The following HACD2 variants were observed in gnomAD, a reference collection of about 807,000 sequenced individuals.
HACD2 encodes very-long-chain (3R)-3-hydroxyacyl-CoA dehydratase 2.
Under a neutral mutation model 31.0 loss-of-function variants are expected in HACD2, and 15 were observed. The ratio of observed to expected loss-of-function variants is 0.48; its 90% CI spans 0.32 to 0.75. HACD2 has a LOEUF of 0.75. Among genes scored for constraint, HACD2 ranks in the 30% least tolerant of loss-of-function variants. HACD2 has a pLI of 0.03. For synonymous variants in HACD2, 115 were observed against 122.2 expected, an observed-to-expected ratio of 0.94 and a Z score of 0.39; for missense variants, 283 against 313.0, an observed-to-expected ratio of 0.90 and a Z score of 0.72.
intron 3 of HACD2, among the ~76,000 whole-genome samples, chr3:123,539,742 A>G (rs2056466097): frequency 6.6e-6 from 1 of 151,812 alleles, no homozygotes. Flanking sequence ...TTTACAACCA[A>G]TACAATGAGA....
intron 3 of HACD2, among the ~76,000 whole-genome samples, chr3:123,544,580 T>A (rs1209715577): frequency 6.6e-6 from 1 of 152,158 alleles, no homozygotes; most frequent in Non-Finnish European, 1.5e-5. Flanking sequence ...TAAGAATTTA[T>A]CAATGTCAGG....
In HACD2 at chr3:123,494,401, CAG is replaced by C. The variant is rs1219409404; in HGVS notation, c.*485_*486del. 1 of 176,902 alleles carries C rather than the reference CAG, an allele frequency of 5.7e-6. No homozygotes were observed. Among genetic ancestry groups the C allele is most frequent in the Admixed American group, 6.4e-5 (1 of 15,680 alleles). 11.0% of individuals were successfully genotyped at this position (176,902 alleles called of 1,614,324 possible). On this transcript the variant is annotated 3_prime_UTR_variant, in exon 7 of 7. Transcript: ENST00000383657. ...CATAACTTCAGAGCATTCCAGAGAACAGAGTTTGCCGCTTCAAAAATACAAAG... is the reference window on the plus strand; with the variant it reads ...CATAACTTCAGAGCATTCCAGAGAACAGTTTGCCGCTTCAAAAATACAAAG...
intron 4 of HACD2, among the ~76,000 whole-genome samples, chr3:123,519,156 C>A (rs959201337): frequency 1.3e-5 from 2 of 151,972 alleles, no homozygotes; most frequent in Non-Finnish European, 2.9e-5. Context: ...CTGAAGAAAA[C>A]AAAAGTTAAA....
intron 3 of HACD2, among the ~76,000 whole-genome samples, chr3:123,530,342 C>T (rs2056342301): frequency 1.3e-5 from 2 of 152,130 alleles, no homozygotes; most frequent in Admixed American, 6.5e-5. Context: ...GCCTCAAACT[C>T]CTGGGCTCAG....
At chr3:123,534,299 C>T (rs2056399770) in intron 3 of HACD2, among the ~76,000 whole-genome samples, 1 of 152,148 alleles carries the variant, frequency 6.6e-6, no homozygotes, top group Non-Finnish European at 1.5e-5. Flanking sequence ...TAACGACGTA[C>T]TGCATATATG....
chr3:123,541,257 T>C (rs2056487692), intron 3 of HACD2, among the ~76,000 whole-genome samples: 1 of 151,858 alleles, frequency 6.6e-6, no homozygotes, highest in Non-Finnish European at 1.5e-5. Context: ...GGCAACAGAG[T>C]GAGACTCTGT....
chr3:123,515,168 G>C (rs886130252), intron 4 of HACD2, among the ~76,000 whole-genome samples: 1 of 152,142 alleles, frequency 6.6e-6, no homozygotes, highest in Non-Finnish European at 1.5e-5. Flanking sequence ...AGCTCCTGAG[G>C]AACTGGAACA....
chr3:123,549,651 G>A (rs2056597549), intron 3 of HACD2, among the ~76,000 whole-genome samples: 1 of 152,118 alleles, frequency 6.6e-6, no homozygotes, highest in South Asian at 2.1e-4. Flanking sequence ...GGGAGGCTGA[G>A]GTGGAAAGAT....
chr3:123,508,318 C>G (rs1371792140), intron 4 of HACD2, among the ~76,000 whole-genome samples: 1 of 152,170 alleles, frequency 6.6e-6, no homozygotes, highest in Non-Finnish European at 1.5e-5. Context: ...GTTTCCACCC[C>G]CTGCTCTAAA....
chr3:123,576,703 G>T (rs915436243), intron 2 of HACD2, among the ~76,000 whole-genome samples: 1 of 152,122 alleles, frequency 6.6e-6, no homozygotes, highest in African/African-American at 2.4e-5. Flanking sequence ...AACAGACAAC[G>T]GTTATGTCCT....
chr3:123,528,591 A>G, intron 3 of HACD2, 117 bp from the exon 4 acceptor site: 1 of 675,008 alleles, frequency 1.5e-6, no homozygotes, highest in South Asian at 1.8e-5. Context: ...TGAGCAACTG[A>G]AAGGTGTCTA....
intron 4 of HACD2, among the ~76,000 whole-genome samples, chr3:123,517,650 C>A (rs1207169445): frequency 6.6e-6 from 1 of 152,156 alleles, no homozygotes; most frequent in Non-Finnish European, 1.5e-5. Flanking sequence ...AATGTGCCCA[C>A]CCAACACTCC....
intron 3 of HACD2, among the ~76,000 whole-genome samples, chr3:123,542,216 G>T (rs1311843228): frequency 6.9e-6 from 1 of 144,814 alleles, no homozygotes; most frequent in Non-Finnish European, 1.5e-5. Context: ...GATGCTAATA[G>T]GCAAATGAGC....
intron 3 of HACD2, among the ~76,000 whole-genome samples, chr3:123,560,220 G>T (rs960544532): frequency 1.3e-5 from 2 of 152,214 alleles, no homozygotes; most frequent in Non-Finnish European, 2.9e-5. Flanking sequence ...GAATGAACCA[G>T]AGCTAAGGCA....
At chr3:123,579,340 G>C (rs1240928586) in intron 2 of HACD2, among the ~76,000 whole-genome samples, 4 of 151,296 alleles carry the variant, frequency 2.6e-5, no homozygotes, top group African/African-American at 9.7e-5. Flanking sequence ...TGTCATCCAG[G>C]CTGGATTGCA....
At chr3:123,500,837 T>C in intron 5 of HACD2, 144 bp from the exon 6 acceptor site, 1 of 496,334 alleles carries the variant, frequency 2.0e-6, no homozygotes. Context: ...CAAATTCAGG[T>C]TTTACAAGCC....
At chr3:123,537,136 G>T (rs950402007) in intron 3 of HACD2, among the ~76,000 whole-genome samples, 2 of 152,142 alleles carry the variant, frequency 1.3e-5, no homozygotes, top group African/African-American at 4.8e-5. Flanking sequence ...TTTAAAAATA[G>T]GAGTGAGGGA....
At chr3:123,512,945 C>T (rs1371457444) in intron 4 of HACD2, among the ~76,000 whole-genome samples, 1 of 152,124 alleles carries the variant, frequency 6.6e-6, no homozygotes, top group East Asian at 1.9e-4. Flanking sequence ...GATCCTGGAT[C>T]CTAAGTTACC....
At chr3:123,563,679 A>T (rs191870807) in intron 3 of HACD2, among the ~76,000 whole-genome samples, 2,074 of 150,628 alleles carry the variant, frequency 0.014, 17 homozygotes, top group Middle Eastern at 0.045. Context: ...ACACACACAC[A>T]CTTATGGTGT....
Sources: gnomAD v4.1 joint callset for allele counts (sites outside exome capture counted in the v4.1 genomes callset) on GRCh38, gnomAD v4.1.1 for gene constraint, MANE v1.5 for transcripts, NCBI Gene and HGNC (gene_info 2026-07-23, HGNC 2026-07-21) for gene names.